The following FMN1 variants were observed in gnomAD, a reference collection of about 807,000 sequenced individuals.
The protein encoded by FMN1 is formin-1.
A neutral mutation model predicts 132.4 loss-of-function variants in FMN1; 110 were observed. The ratio of observed to expected loss-of-function variants is 0.83; its 90% CI spans 0.71 to 0.97. FMN1 has a LOEUF of 0.97. Among genes scored for constraint, FMN1 ranks in the 50% least tolerant of loss-of-function variants. The pLI, the probability that FMN1 is intolerant of heterozygous loss-of-function variation, is 0.00. For synonymous variants in FMN1, 722 were observed against 651.7 expected (o/e 1.11, Z -1.64); for missense variants, 1,792 against 1,705.3 (o/e 1.05, Z -0.90).
chr15:32,912,422 G>A (rs1372231658), intron 10 of FMN1, among the ~76,000 whole-genome samples: 1 of 152,190 alleles, frequency 6.6e-6, no homozygotes, highest in Non-Finnish European at 1.5e-5. Flanking sequence ...GATGTGTACA[G>A]GATCTGTTCT....
chr15:33,167,733 C>A (rs903708176), intron 3 of FMN1, among the ~76,000 whole-genome samples: 5 of 152,164 alleles, frequency 3.3e-5, no homozygotes, highest in Admixed American at 6.5e-5. Context: ...ATGCTGTATT[C>A]TTCTAATAAA....
At chr15:32,868,185 G>A (rs1465401932) in intron 16 of FMN1, among the ~76,000 whole-genome samples, 1 of 152,204 alleles carries the variant, frequency 6.6e-6, no homozygotes, top group Non-Finnish European at 1.5e-5. Context: ...ATAGTCCGGT[G>A]ATGATGTAGC....
chr15:32,913,896 T>G (rs2140289701), intron 10 of FMN1, among the ~76,000 whole-genome samples: 1 of 152,248 alleles, frequency 6.6e-6, no homozygotes, highest in South Asian at 2.1e-4. Flanking sequence ...AGGAAAAGCT[T>G]CTTGACAAAG....
intron 7 of FMN1, among the ~76,000 whole-genome samples, chr15:32,996,837 C>G (rs534548878): frequency 1.3e-5 from 2 of 152,214 alleles, no homozygotes; most frequent in Admixed American, 1.3e-4. Context: ...ACACACCATA[C>G]AAGGAGGTGG....
chr15:33,112,856 G>A (rs139863257), intron 4 of FMN1, among the ~76,000 whole-genome samples: 4 of 152,242 alleles, frequency 2.6e-5, no homozygotes, highest in Non-Finnish European at 4.4e-5. Flanking sequence ...AAATGTCAAG[G>A]CCTACACAGC....
intron 3 of FMN1, among the ~76,000 whole-genome samples, chr15:33,158,805 TAGAA>T (rs912316515): frequency 1.3e-5 from 2 of 152,216 alleles, no homozygotes; most frequent in African/African-American, 4.8e-5. Context: ...ATAAATCACT[TAGAA>T]AGGTCTTTCA....
At chr15:33,059,852 T>C (rs1423604836) in intron 6 of FMN1, among the ~76,000 whole-genome samples, 1 of 152,244 alleles carries the variant, frequency 6.6e-6, no homozygotes, top group Non-Finnish European at 1.5e-5. Flanking sequence ...CAAAGATCTT[T>C]ACTAGTATCT....
chr15:33,065,248 C>T (rs1400105677), intron 5 of FMN1, among the ~76,000 whole-genome samples, 174 bp from the exon 6 acceptor site: 4 of 151,976 alleles, frequency 2.6e-5, no homozygotes, highest in African/African-American at 2.4e-5. Flanking sequence ...AGAAGTGTAA[C>T]GTGATCAGTT....
chr15:33,084,439 T>C (rs2141340250), intron 5 of FMN1, among the ~76,000 whole-genome samples: 1 of 152,268 alleles, frequency 6.6e-6, no homozygotes, highest in East Asian at 1.9e-4. Flanking sequence ...GTGACTGGCA[T>C]CTGAGGTGTG....
At chr15:32,855,419 G>C (rs1421841590) in intron 17 of FMN1, among the ~76,000 whole-genome samples, 1 of 152,096 alleles carries the variant, frequency 6.6e-6, no homozygotes, top group Non-Finnish European at 1.5e-5. Flanking sequence ...GAATAGACCA[G>C]AATTGTCTTG....
chr15:33,121,749 A>C (rs1962579206), intron 4 of FMN1, among the ~76,000 whole-genome samples: 1 of 152,062 alleles, frequency 6.6e-6, no homozygotes, highest in Non-Finnish European at 1.5e-5. Flanking sequence ...GGATGGTCTC[A>C]ATCTCCTGAC....
chr15:32,896,932 G>C (rs546054516), intron 15 of FMN1, among the ~76,000 whole-genome samples: 2 of 152,182 alleles, frequency 1.3e-5, no homozygotes, highest in African/African-American at 2.4e-5. Context: ...ATACCCAGAA[G>C]TGAGATTGTC....
intron 4 of FMN1, among the ~76,000 whole-genome samples, chr15:33,148,759 C>T (rs1964328931): frequency 6.6e-6 from 1 of 152,116 alleles, no homozygotes; most frequent in African/African-American, 2.4e-5. Flanking sequence ...CTCTGAATTG[C>T]TTTCTTCCGT....
intron 13 of FMN1, among the ~76,000 whole-genome samples, chr15:32,900,445 G>C (rs1216811759): frequency 6.6e-6 from 1 of 152,174 alleles, no homozygotes; most frequent in Non-Finnish European, 1.5e-5. Flanking sequence ...TTGTAAAAAG[G>C]GAGTTGGTAT....
intron 5 of FMN1, among the ~76,000 whole-genome samples, chr15:33,086,412 A>T (rs1174008547): frequency 6.6e-6 from 1 of 152,086 alleles, no homozygotes; most frequent in Admixed American, 6.6e-5. Context: ...TGCTAAGATT[A>T]TGAGGTTTTT....
intron 4 of FMN1, among the ~76,000 whole-genome samples, chr15:33,122,267 TTG>T (rs1962636748): frequency 1.3e-5 from 2 of 152,220 alleles, no homozygotes; most frequent in Non-Finnish European, 1.5e-5. Flanking sequence ...TATTCCAATT[TTG>T]TGTTTCTACT....
chr15:32,921,286 T>G (rs2060815291), intron 10 of FMN1, among the ~76,000 whole-genome samples: 1 of 152,110 alleles, frequency 6.6e-6, no homozygotes, highest in Non-Finnish European at 1.5e-5. Context: ...AACTGTTCAT[T>G]CAAAATGTGT....
rs567582003 is a variant in FMN1, at chr15:32,775,528, A to C, written c.4216-1174T>G. On this transcript the variant is annotated intron_variant, in intron 20 of 20. Transcript: ENST00000616417. The stretch of plus-strand genomic sequence containing the variant: ...AGAGGGAGAGGCTCATGAAGGAAGA[A>C]GACAAAAATCAGGGTTCAGCCGACT... 7.2e-5 allele frequency among the ~76,000 whole-genome samples: 11 copies of C among 152,340 alleles called. No homozygotes were observed. In the South Asian group the frequency reaches 1.0e-3, roughly 14 times the overall value.
chr15:32,983,132 A>C (rs1158473882), intron 7 of FMN1, among the ~76,000 whole-genome samples: 1 of 152,210 alleles, frequency 6.6e-6, no homozygotes, highest in African/African-American at 2.4e-5. Context: ...CAACTGGTGA[A>C]AAAATAAAAC....
Sources: allele counts gnomAD v4.1 joint callset (sites outside exome capture counted in the v4.1 genomes callset), GRCh38; gene constraint gnomAD v4.1.1; transcripts MANE v1.5; gene names NCBI Gene and HGNC (gene_info 2026-07-23, HGNC 2026-07-21).